ESR1: variants seen among roughly 807,000 people sequenced by gnomAD.
The protein encoded by ESR1 is estrogen receptor.
Under a neutral mutation model 52.7 loss-of-function variants are expected in ESR1, and 12 were observed. The ratio of observed to expected loss-of-function variants is 0.23; its 90% confidence interval spans 0.15 to 0.37. The LOEUF is 0.37. Ranked by LOEUF, ESR1 falls within the 10% of genes least tolerant of loss-of-function variation. The pLI is 1.00. For synonymous variants in ESR1, 305 were observed against 316.8 expected (o/e 0.96, Z 0.39); for missense variants, 584 against 779.7 (o/e 0.75, Z 2.99).
chr6:151,729,510 G>C lies in ESR1; in HGVS notation c.-71+27505G>C, dbSNP rs1268621893. 2.0e-5 allele frequency among the ~76,000 whole-genome samples: 3 copies of C among 152,242 alleles called. No homozygotes were observed. In the East Asian group the frequency reaches 5.8e-4, roughly 29 times the overall value. On this transcript the variant is annotated intron_variant, in intron 2 of 2. Transcript: ENST00000404742. ...TACGCAGGGGAATTAATAATGCTTG[G>C]ACCTATCTTTAAAACACCTAGAGTT...
chr6:152,011,757 G>C lies in ESR1; in HGVS notation c.1198G>C (p.Gly400Arg), dbSNP rs2128779109. ...GLVWRSMEHP[G>R]KLLFAPNLLL... ...CGTCTGGCGCTCCATGGAGCACCCA[G>C]GGAAGCTACTGTTTGCTCCTAACTT... Residue 400 changes from glycine to arginine, a missense_variant, in exon 5 of 8, where the codon GGG becomes CGG. By Grantham distance (125) the Gly-to-Arg change is moderately radical. This residue lies in a region of ESR1 where 141 missense variants were observed against 289.3 expected (regional missense o/e 0.49). Transcript: ENST00000206249. 1 of 1,613,232 alleles carries C rather than the reference G, an allele frequency of 6.2e-7. No homozygotes were observed. The highest frequency in any genetic ancestry group is 8.5e-7 in the Non-Finnish European group (1 of 1,179,508).
intron 3 of ESR1, among the ~76,000 whole-genome samples, chr6:151,891,996 T>C (rs1300844092): frequency 6.6e-6 from 1 of 152,198 alleles, no homozygotes; most frequent in African/African-American, 2.4e-5. Context: ...GTTTTAATTG[T>C]TTTTAGATAA....
intron 3 of ESR1, among the ~76,000 whole-genome samples, chr6:151,905,047 A>G (rs2128417770): frequency 6.6e-6 from 1 of 152,348 alleles, no homozygotes; most frequent in Middle Eastern, 3.4e-3. Flanking sequence ...ACAAAAGCAA[A>G]ACAACAAACA....
upstream of ESR1, among the ~76,000 whole-genome samples, chr6:151,686,200 G>A (rs980362053): frequency 6.7e-6 from 1 of 149,986 alleles, no homozygotes; most frequent in East Asian, 2.0e-4. Context: ...TTTGAAGAAA[G>A]ATAGTTTTAA....
rs1339084643 is a variant in ESR1, at chr6:152,099,570, C to G, written c.*604C>G. 1 of 240,808 alleles carries G rather than the reference C, an allele frequency of 4.2e-6. No individual in the cohort carries two copies. The highest frequency in any genetic ancestry group is 6.0e-5 in the East Asian group (1 of 16,734). 14.9% of individuals were successfully genotyped at this position (240,808 alleles called of 1,614,324 possible). A position where few individuals can be genotyped will look rare whatever the true frequency, so the allele number is the denominator to read the frequency against. ...ATTCCCCCTATAGGAATACAAGGGG[C>G]ACACAGGGAAGGCAGATCCCCTAGT... On this transcript the variant is annotated 3_prime_UTR_variant, in exon 8 of 8. Coordinates refer to ENST00000206249, the MANE Select transcript of ESR1 (RefSeq NM_000125.4).
At chr6:151,975,283 G>A (rs7744006) in intron 4 of ESR1, among the ~76,000 whole-genome samples, 6,477 of 152,174 alleles carry the variant, frequency 0.043, 420 homozygotes, top group African/African-American at 0.14. Flanking sequence ...AACTTTGAAT[G>A]CTGCTCATTT....
At chr6:151,682,140 TTTGA>T (rs1208200465) in intron 1 of ESR1, among the ~76,000 whole-genome samples, 2 of 152,244 alleles carry the variant, frequency 1.3e-5, no homozygotes, top group African/African-American at 4.8e-5. Context: ...ACATGGAGTG[TTTGA>T]TTATTTTCCC....
intron 6 of ESR1, among the ~76,000 whole-genome samples, chr6:152,087,590 A>G (rs2049840236): frequency 6.6e-6 from 1 of 152,186 alleles, no homozygotes; most frequent in South Asian, 2.1e-4. Flanking sequence ...GTCATCATGA[A>G]TGGGTGGCTT....
chr6:151,713,166 C>T (rs990939848), intron 2 of ESR1, among the ~76,000 whole-genome samples: 2 of 152,074 alleles, frequency 1.3e-5, no homozygotes, highest in Non-Finnish European at 2.9e-5. Flanking sequence ...GTTGAACCAG[C>T]CTTGCATCCC....
chr6:152,049,206 A>G (rs910843924), intron 5 of ESR1, among the ~76,000 whole-genome samples: 7 of 152,250 alleles, frequency 4.6e-5, no homozygotes, highest in African/African-American at 1.7e-4. Flanking sequence ...ATTCAAACCC[A>G]GAAGTGTGTT....
At chr6:151,842,903 A>C in intron 2 of ESR1, 116 bp downstream of exon 2, 2 of 838,542 alleles carry the variant, frequency 2.4e-6, no homozygotes, top group Non-Finnish European at 4.0e-6. Flanking sequence ...ATGAATCCCT[A>C]GTAGGTCCAC....
At chr6:152,114,121 T>A (rs2051179521) in intron 6 of ESR1, among the ~76,000 whole-genome samples, 1 of 152,090 alleles carries the variant, frequency 6.6e-6, no homozygotes, top group African/African-American at 2.4e-5. Flanking sequence ...GTGGGCAGAA[T>A]CCTGTGTGAA....
chr6:151,985,556 A>G, intron 4 of ESR1, among the ~76,000 whole-genome samples: 1 of 151,504 alleles, frequency 6.6e-6, no homozygotes, highest in Non-Finnish European at 1.5e-5. Context: ...AAAAAAAGAA[A>G]AAGAAAATAA....
intron 2 of ESR1, among the ~76,000 whole-genome samples, chr6:151,723,766 A>G (rs1781633033): frequency 6.6e-6 from 1 of 152,000 alleles, no homozygotes; most frequent in Non-Finnish European, 1.5e-5. Flanking sequence ...GCTACTCGGG[A>G]GGCTGAGGCA....
At chr6:151,821,908 G>C (rs1156488476) in intron 1 of ESR1, among the ~76,000 whole-genome samples, 1 of 152,116 alleles carries the variant, frequency 6.6e-6, no homozygotes, top group African/African-American at 2.4e-5. Flanking sequence ...TAATAAGAAT[G>C]GCAATTGATG....
intron 4 of ESR1, among the ~76,000 whole-genome samples, chr6:151,981,791 G>A (rs1271551355): frequency 1.3e-5 from 2 of 152,100 alleles, no homozygotes; most frequent in Non-Finnish European, 2.9e-5. Context: ...TTACTCCATC[G>A]GTAGACATAG....
At chr6:152,039,124 CCTT>C (rs1234631346) in intron 5 of ESR1, among the ~76,000 whole-genome samples, 2 of 152,172 alleles carry the variant, frequency 1.3e-5, no homozygotes, top group Non-Finnish European at 1.5e-5. Context: ...TTGATGACTA[CCTT>C]CTTCTACAAC....
chr6:151,978,855 A>G (rs1425779895), intron 4 of ESR1, among the ~76,000 whole-genome samples: 4 of 152,240 alleles, frequency 2.6e-5, no homozygotes, highest in Admixed American at 2.6e-4. Context: ...CTGTTGGAGG[A>G]TGTAGTTTAG....
Position 151,754,745 on chromosome 6 carries a change from G to A in ESR1, c.-71+52740G>A, listed in dbSNP as rs192489331. Among the ~76,000 whole-genome samples the A allele has an allele frequency of 5.8e-4, 89 of 152,182 alleles. 1 individual carries two copies. The highest frequency in any genetic ancestry group is 1.0e-3 in the Non-Finnish European group (68 of 68,018). On this transcript the variant is annotated intron_variant, in intron 2 of 2. Transcript: ENST00000404742. ...ATTTTTCCACAATCTCTCAAAACTG[G>A]TGCTCCTCAGATTAAGTCCTTGGAC...
Sources: allele counts gnomAD v4.1 joint callset (sites outside exome capture counted in the v4.1 genomes callset), GRCh38; gene constraint gnomAD v4.1.1; regional missense constraint gnomAD v4.1.1; transcripts MANE v1.5; gene names NCBI Gene and HGNC (gene_info 2026-07-23, HGNC 2026-07-21).